The following PTPRM variants were observed in gnomAD, a reference collection of about 807,000 sequenced individuals.
PTPRM encodes protein tyrosine phosphatase receptor type M.
PTPRM carries 47 observed loss-of-function variants against 186.7 expected under a neutral mutation model. That is an observed-to-expected ratio of 0.25 (90% CI 0.20 to 0.32). PTPRM has a LOEUF of 0.32. Ranked by LOEUF, PTPRM falls within the 10% of genes least tolerant of loss-of-function variation. The probability of loss-of-function intolerance (pLI) is 1.00; values close to 1 mark genes in which losing one functional copy is unlikely to be tolerated. For missense variants in PTPRM, 1,494 were observed against 1,865.0 expected, an observed-to-expected ratio of 0.80 and a Z score of 3.66; for synonymous variants, 668 against 674.9, an observed-to-expected ratio of 0.99 and a Z score of 0.16.
rs1276824292 is a variant in PTPRM at position 7,975,698 on chromosome 18, G to A, written c.1132+20284G>A. On this transcript the variant is annotated intron_variant, in intron 7 of 32. Coordinates refer to ENST00000580170, the MANE Select transcript of PTPRM (RefSeq NM_001105244.2). ...GTTTAAATATACAAATACTCTCATT[G>A]TGTTACAGTTGCCTACAGTATTCAG... Among the ~76,000 whole-genome samples, 8 of 152,238 alleles carry A rather than the reference G, an allele frequency of 5.3e-5. No individual in the cohort carries two copies. The East Asian group carries it at 1.5e-3, about 29-fold the overall frequency.
rs2036505811 is a variant in PTPRM at position 7,568,963 on chromosome 18, G to T, written c.73+1072G>T. ...AGATTAGTTTCATTAAGGTCCACAT[G>T]CAGTGGGGGCGGTGGGCTTTCTTTT... On this transcript the variant is annotated intron_variant, in intron 1 of 32. Coordinates refer to ENST00000580170, the MANE Select transcript of PTPRM (RefSeq NM_001105244.2). The surrounding 1 kb of genome is among the most constrained non-coding windows in gnomAD (Gnocchi z 5.1). 6.6e-6 allele frequency among the ~76,000 whole-genome samples: 1 copy of T among 152,286 alleles called. No homozygotes were observed. The highest frequency in any genetic ancestry group is 3.4e-3 in the Middle Eastern group (1 of 294).
At chr18:7,990,328 T>C (rs528927761) in intron 7 of PTPRM, among the ~76,000 whole-genome samples, 3 of 152,320 alleles carry the variant, frequency 2.0e-5, no homozygotes, top group South Asian at 4.1e-4. Context: ...GTGTGTGCGC[T>C]AAGTGTGTTC....
intron 7 of PTPRM, among the ~76,000 whole-genome samples, chr18:7,973,051 A>G (rs1026727221): frequency 1.2e-4 from 19 of 152,180 alleles, no homozygotes; most frequent in African/African-American, 4.6e-4. Flanking sequence ...AAACATATAT[A>G]ACCCACATAT....
Position 7,952,699 on chromosome 18 carries a change from A to G in PTPRM, c.839-2422A>G, listed in dbSNP as rs187272108. 2.3e-3 allele frequency among the ~76,000 whole-genome samples: 341 copies of G among 149,920 alleles called. 4 individuals carry two copies. The highest frequency in any genetic ancestry group is 7.9e-3 in the African/African-American group (320 of 40,732). On this transcript the variant is annotated intron_variant, in intron 6 of 32. Coordinates refer to ENST00000580170, the MANE Select transcript of PTPRM (RefSeq NM_001105244.2). ...GCAAGACTCCATCTCAAAAAAAAAA[A>G]AAAAGAAAAGAAAATGTAAATGTTG...
intron 22 of PTPRM, among the ~76,000 whole-genome samples, chr18:8,336,896 G>A (rs1400765224): frequency 6.6e-6 from 1 of 151,896 alleles, no homozygotes; most frequent in Non-Finnish European, 1.5e-5. Flanking sequence ...AGAATTGCTT[G>A]AACCCAGGAG....
At chr18:8,015,365 C>A (rs2147905659) in intron 7 of PTPRM, among the ~76,000 whole-genome samples, 1 of 152,242 alleles carries the variant, frequency 6.6e-6, no homozygotes, top group Non-Finnish European at 1.5e-5. Flanking sequence ...TTAAAGATGA[C>A]AAAAACTAAA....
intron 1 of PTPRM, among the ~76,000 whole-genome samples, chr18:7,761,253 T>A (rs911076833): frequency 6.6e-6 from 1 of 152,062 alleles, no homozygotes; most frequent in African/African-American, 2.4e-5. Context: ...TAAGGAAAAA[T>A]TTTTCATTAA....
At chr18:8,214,026 A>C (rs1366764591) in intron 14 of PTPRM, among the ~76,000 whole-genome samples, 1 of 152,168 alleles carries the variant, frequency 6.6e-6, no homozygotes, top group Non-Finnish European at 1.5e-5. Context: ...ACCAAATACC[A>C]CATGTTCTCA....
intron 2 of PTPRM, among the ~76,000 whole-genome samples, chr18:7,825,841 C>T (rs1397957054): frequency 1.3e-5 from 2 of 152,194 alleles, no homozygotes; most frequent in East Asian, 1.9e-4. Context: ...AAATTCCTGA[C>T]GTCTTGAAGC....
At chr18:8,383,762 AG>A (rs2095754279) in intron 29 of PTPRM, among the ~76,000 whole-genome samples, 1 of 152,238 alleles carries the variant, frequency 6.6e-6, no homozygotes, top group African/African-American at 2.4e-5. Flanking sequence ...CAATGTTATC[AG>A]TTCCAAACCT....
chr18:7,735,643 A>C (rs1189237683), intron 1 of PTPRM, among the ~76,000 whole-genome samples: 2 of 152,198 alleles, frequency 1.3e-5, no homozygotes, highest in Admixed American at 6.5e-5. Flanking sequence ...TCTATAAAGA[A>C]TGTCTATTAA....
chr18:7,925,829 T>C (rs1187205995), intron 4 of PTPRM, among the ~76,000 whole-genome samples: 2 of 152,214 alleles, frequency 1.3e-5, no homozygotes, highest in Admixed American at 1.3e-4. Context: ...GACACCTGTT[T>C]TCAGTGTGAT....
chr18:7,890,095 T>C (rs751971365), intron 3 of PTPRM, among the ~76,000 whole-genome samples: 2 of 152,232 alleles, frequency 1.3e-5, no homozygotes, highest in Non-Finnish European at 2.9e-5. Flanking sequence ...TTTTTCTTTT[T>C]TGTCCACAGC....
At chr18:8,244,808 AT>A (rs1199011809) in intron 15 of PTPRM, among the ~76,000 whole-genome samples, 3 of 152,142 alleles carry the variant, frequency 2.0e-5, no homozygotes, top group African/African-American at 7.2e-5. Flanking sequence ...AATTAGATTG[AT>A]TATATCAAGC....
At chr18:7,895,989 C>G (rs1466386087) in intron 3 of PTPRM, among the ~76,000 whole-genome samples, 2 of 152,214 alleles carry the variant, frequency 1.3e-5, no homozygotes, top group Non-Finnish European at 2.9e-5. Flanking sequence ...GTACACATCA[C>G]AATGGTAACC....
At position 8,189,976 on chromosome 18, in the gene PTPRM, G is replaced by A. The variant is rs188884694; in HGVS notation, c.2300+46197G>A. Among the ~76,000 whole-genome samples the A allele has an allele frequency of 6.2e-3, 936 of 152,144 alleles. 13 individuals are homozygous for A. The highest frequency in any genetic ancestry group is 0.021 in the African/African-American group (875 of 41,498). ...TATTCAATACCAACTCTCTAAGACC[G>A]AGTTATCTTTTTTACTTGTAGAGTA... On this transcript the variant is annotated intron_variant, in intron 14 of 32. Transcript: ENST00000580170.
chr18:7,614,322 GA>G (rs1385628595), intron 1 of PTPRM, among the ~76,000 whole-genome samples: 1 of 152,132 alleles, frequency 6.6e-6, no homozygotes, highest in Non-Finnish European at 1.5e-5. Flanking sequence ...AGTACTTCTG[GA>G]ATGTCAGTTT....
intron 19 of PTPRM, among the ~76,000 whole-genome samples, 184 bp from the exon 20 acceptor site, chr18:8,296,184 A>G (rs1209393567): frequency 6.6e-6 from 1 of 152,200 alleles, no homozygotes; most frequent in East Asian, 1.9e-4. Flanking sequence ...AGGAAAACAA[A>G]GTTTAGAAAA....
intron 12 of PTPRM, among the ~76,000 whole-genome samples, chr18:8,113,985 A>G (rs887224521): frequency 6.7e-6 from 1 of 149,902 alleles, no homozygotes; most frequent in African/African-American, 2.5e-5. Flanking sequence ...CATCAACATG[A>G]TAGGTTTTAT....
Sources: allele counts gnomAD v4.1 joint callset (sites outside exome capture counted in the v4.1 genomes callset), GRCh38; gene constraint gnomAD v4.1.1; non-coding constraint Gnocchi (gnomAD v3.1); transcripts MANE v1.5; gene names NCBI Gene and HGNC (gene_info 2026-07-23, HGNC 2026-07-21).